CASP8: variants seen among roughly 807,000 people sequenced by gnomAD.
CASP8 encodes the protein caspase 8, also known as caspase-8.
In CASP8, 24 loss-of-function variants were observed where a neutral mutation model predicts 46.3. That is an observed-to-expected ratio of 0.52 (90% CI 0.38 to 0.73). CASP8 has a LOEUF of 0.73. CASP8 is among the 30% of genes least tolerant of loss of function. The pLI is 0.00. For synonymous variants in CASP8, 188 were observed against 200.4 expected (o/e 0.94, Z 0.52); for missense variants, 460 against 559.0 (o/e 0.82, Z 1.79).
intron 5 of CASP8, 63 bp downstream of exon 5, chr2:201,273,005 C>G (rs188805289): frequency 1.5e-6 from 2 of 1,363,176 alleles, no homozygotes; most frequent in African/African-American, 2.9e-5. Context: ...TGCATGTGTC[C>G]TCCCCACAGC....
rs533776333 is a variant in CASP8, at chr2:201,260,540, G to A, written c.-100G>A. On this transcript the variant is annotated 5_prime_UTR_variant, in exon 1 of 9. Coordinates refer to ENST00000673742, the MANE Select transcript of CASP8 (RefSeq NM_001372051.1). ...TGTGCCCTTCCGTCCTTCATTAGAC[G>A]TTTGCTCTTGTCTTAGATGCTCAGA... The A allele has an allele frequency of 2.7e-4, 270 of 985,326 alleles. 1 individual carries two copies. The highest frequency in any genetic ancestry group is 3.1e-4 in the Non-Finnish European group (258 of 829,954). 61.0% of individuals were successfully genotyped at this position (985,326 alleles called of 1,614,324 possible).
At chr2:201,247,916 T>C (rs1946609771) in intron 2 of CASP8, among the ~76,000 whole-genome samples, 2 of 152,188 alleles carry the variant, frequency 1.3e-5, no homozygotes, top group South Asian at 4.1e-4. Flanking sequence ...AGTGCTGGGA[T>C]TACAGGCGTG....
In CASP8 at chr2:201,284,821, T is replaced by C. The variant is rs1559374081; in HGVS notation, c.808T>C (p.Leu270=). The change falls in exon 8 of 9, where the codon TTG becomes CTG. Residue 270 remains leucine (L), a synonymous_variant. Transcript: ENST00000673742. ...GTTCAAATTTCACTTTTCAGGGGCT[T>C]TGACCACGACCTTTGAAGAGCTTCA... ...RNGTHLDAGA[L]TTTFEELHFE... The C allele has an allele frequency of 1.4e-5, 22 of 1,611,492 alleles. No homozygotes were observed. Among genetic ancestry groups the C allele is most frequent in the Middle Eastern group, 1.7e-4 (1 of 6,060 alleles).
chr2:201,276,899 G>C lies in CASP8; in HGVS notation c.733G>C (p.Ala245Pro), dbSNP rs1298973893. The change falls in exon 7 of 9, where the codon GCA (alanine) becomes CCA (proline). Residue 245 changes from alanine (A) to proline (P), a missense_variant. Transcript: ENST00000673742. ...YCLIINNHNF[A>P]KAREKVPKLH... is the part of the protein sequence containing the mutation. ...TCTGATCATCAACAATCACAATTTT[G>C]CAAAAGCACGGGAGAAAGTGCCCAA... 3 of 1,614,054 alleles carry C rather than the reference G, an allele frequency of 1.9e-6. No individual in the cohort carries two copies. In the South Asian group the frequency reaches 3.3e-5, roughly 18 times the overall value.
intron 7 of CASP8, among the ~76,000 whole-genome samples, chr2:201,283,547 GGGGCGGCTGGCC>G (rs1949294262): frequency 3.5e-5 from 3 of 86,308 alleles, no homozygotes; most frequent in Admixed American, 2.8e-4. Context: ...CCTCCCGGAC[GGGGCGGCTGGCC>G]GGGCGGGGGG....
At chr2:201,285,875 A>G (rs1949533685) in intron 8 of CASP8, among the ~76,000 whole-genome samples, 1 of 152,238 alleles carries the variant, frequency 6.6e-6, no homozygotes, top group African/African-American at 2.4e-5. Flanking sequence ...TTTTGAGTAT[A>G]TGAAGAGTGA....
chr2:201,260,249 T>C (rs753791813), upstream of CASP8, among the ~76,000 whole-genome samples: 7 of 152,262 alleles, frequency 4.6e-5, no homozygotes, highest in Non-Finnish European at 8.8e-5. Context: ...AAAGTGTTCT[T>C]AGTTACAATC....
intron 2 of CASP8, among the ~76,000 whole-genome samples, chr2:201,246,346 T>A (rs1480766999): frequency 6.6e-6 from 1 of 152,194 alleles, no homozygotes; most frequent in East Asian, 1.9e-4. Context: ...GATTGTCTGT[T>A]GATTTATTCC....
At chr2:201,238,024 G>A (rs1274800531) in intron 2 of CASP8, among the ~76,000 whole-genome samples, 1 of 152,230 alleles carries the variant, frequency 6.6e-6, no homozygotes, top group Non-Finnish European at 1.5e-5. Flanking sequence ...GAACGTGAAT[G>A]AAAGAGATAT....
intron 5 of CASP8, among the ~76,000 whole-genome samples, chr2:201,274,558 A>T (rs991501888): frequency 6.6e-6 from 1 of 152,146 alleles, no homozygotes; most frequent in Non-Finnish European, 1.5e-5. Flanking sequence ...CACTGCAACC[A>T]CTACCTCCCA....
chr2:201,242,294 T>A (rs1416643535), intron 2 of CASP8: 1 of 152,200 alleles, frequency 6.6e-6, no homozygotes, highest in Non-Finnish European at 1.5e-5. Context: ...TACCATAGAC[T>A]GGTGGCTTAT....
At position 201,287,341 on chromosome 2, in the gene CASP8, T is replaced by C. The variant is rs1235887535; in HGVS notation, c.*747T>C. 1.3e-5 allele frequency: 2 copies of C among 152,510 alleles called. No homozygotes were observed. Among genetic ancestry groups the C allele is most frequent in the East Asian group, 3.8e-4 (2 of 5,196 alleles). 9.4% of individuals were successfully genotyped at this position (152,510 alleles called of 1,614,324 possible). A position where few individuals can be genotyped will look rare whatever the true frequency, so the allele number is the denominator to read the frequency against. ...TGAACCCAAGAGGTCAAGGCTGCAG[T>C]GAGCCATGTTCACACCGCTGCACTC... is the stretch of plus-strand genomic sequence containing the variant. On this transcript the variant is annotated 3_prime_UTR_variant, in exon 9 of 9. Transcript: ENST00000673742.
upstream of CASP8, among the ~76,000 whole-genome samples, chr2:201,257,537 G>A (rs1947082427): frequency 6.6e-6 from 1 of 151,094 alleles, no homozygotes; most frequent in South Asian, 2.1e-4. Context: ...GAGCTTTGGA[G>A]AACAGACCTC....
upstream of CASP8, chr2:201,257,977 T>C: frequency 2.1e-6 from 1 of 483,572 alleles, no homozygotes; most frequent in Non-Finnish European, 3.8e-6. Context: ...ATCCCTCTTC[T>C]GAATGGTTGG....
At chr2:201,242,320 A>AT (rs1946334019) in intron 2 of CASP8, 1 of 151,996 alleles carries the variant, frequency 6.6e-6, no homozygotes, top group South Asian at 2.1e-4. Flanking sequence ...ACAGAAATTT[A>AT]TTTTTCACAG....
At chr2:201,241,091 T>C (rs935843242) in intron 2 of CASP8, 1 of 151,630 alleles carries the variant, frequency 6.6e-6, no homozygotes, top group South Asian at 2.1e-4. Flanking sequence ...AGAAGAAAGA[T>C]CTCAAGTAAA....
chr2:201,243,661 G>C (rs1385477465), intron 2 of CASP8, among the ~76,000 whole-genome samples: 1 of 152,210 alleles, frequency 6.6e-6, no homozygotes, highest in Non-Finnish European at 1.5e-5. Context: ...AAGTTCTGGA[G>C]TGCTTCTCAT....
At position 201,266,907 on chromosome 2, in the gene CASP8, C is replaced by G; in HGVS notation, c.305+116C>G. The G allele has an allele frequency of 1.5e-6, 1 of 687,162 alleles. No individual in the cohort carries two copies. Among genetic ancestry groups the G allele is most frequent in the Non-Finnish European group, 2.4e-6 (1 of 413,316 alleles). 42.6% of individuals were successfully genotyped at this position (687,162 alleles called of 1,614,324 possible). ...CTAGTGCCTGGGAACCCAGCAGTGC[C>G]ACAATTCTAAGCTTCTACAGAAAGA... On this transcript the variant is annotated intron_variant, in intron 2 of 8. Coordinates refer to ENST00000673742, the MANE Select transcript of CASP8 (RefSeq NM_001372051.1). The surrounding 1 kb of genome is among the most constrained non-coding windows in gnomAD (Gnocchi z 5.7).
intron 7 of CASP8, among the ~76,000 whole-genome samples, chr2:201,277,311 G>A (rs1429906014): frequency 1.3e-5 from 2 of 152,178 alleles, no homozygotes; most frequent in African/African-American, 4.8e-5. Context: ...TGGTATCAAA[G>A]TTCTTATAGA....
Sources: allele counts gnomAD v4.1 joint callset (sites outside exome capture counted in the v4.1 genomes callset), GRCh38; gene constraint gnomAD v4.1.1; non-coding constraint Gnocchi (gnomAD v3.1); transcripts MANE v1.5; gene names NCBI Gene and HGNC (gene_info 2026-07-23, HGNC 2026-07-21).